Variants in PXK observed in about 807,000 individuals in gnomAD.
PXK encodes the protein PX domain containing serine/threonine kinase like, also known as PX domain-containing protein kinase-like protein.
Under a neutral mutation model 84.7 loss-of-function variants are expected in PXK, and 35 were observed. The observed-to-expected ratio is 0.41, with a 90% CI of 0.32 to 0.55. PXK has a LOEUF of 0.55. PXK is among the 20% of genes least tolerant of loss of function. The probability of loss-of-function intolerance (pLI) is 0.21; values close to 1 mark genes in which losing one functional copy is unlikely to be tolerated. For synonymous variants in PXK, 253 were observed against 260.8 expected (o/e 0.97, Z 0.29); for missense variants, 634 against 699.7 (o/e 0.91, Z 1.06).
intron 17 of PXK, chr3:58,413,869 G>A (rs2060577853): frequency 6.6e-6 from 1 of 152,136 alleles, no homozygotes; most frequent in Non-Finnish European, 1.5e-5. Flanking sequence ...CAGCACCCAG[G>A]AGCTGCCAAG....
chr3:58,410,706 T>C (rs959323417), intron 16 of PXK, among the ~76,000 whole-genome samples: 1 of 152,192 alleles, frequency 6.6e-6, no homozygotes, highest in Non-Finnish European at 1.5e-5. Context: ...GGCCATAATG[T>C]CCCATCTTTG....
chr3:58,408,575 T>C lies in PXK; in HGVS notation c.1231-349T>C, dbSNP rs183752950. Among the ~76,000 whole-genome samples the C allele has an allele frequency of 8.3e-3, 1,258 of 151,326 alleles. 21 individuals carry two copies. Among genetic ancestry groups the C allele is most frequent in the African/African-American group, 0.029 (1,204 of 41,082 alleles). On this transcript the variant is annotated intron_variant, in intron 13 of 17. Coordinates refer to ENST00000356151, the MANE Select transcript of PXK (RefSeq NM_017771.5). ...TCTCGCTCTGTCACCCAGGCTGGAG[T>C]GCAGTGGCGTGATCTCGGCTCTCTG...
At chr3:58,368,196 C>A (rs1471046485) in intron 2 of PXK, among the ~76,000 whole-genome samples, 8 of 152,126 alleles carry the variant, frequency 5.3e-5, no homozygotes, top group Non-Finnish European at 1.5e-5. Context: ...TGGGGCAGGA[C>A]CCCTTTAGAA....
rs1232614914 is a variant in PXK, at chr3:58,364,441, G to A, written c.103-1433G>A. Among the ~76,000 whole-genome samples the A allele has an allele frequency of 6.6e-6, 1 of 152,160 alleles. No homozygotes were observed. The highest frequency in any genetic ancestry group is 2.4e-5 in the African/African-American group (1 of 41,424). On this transcript the variant is annotated intron_variant, in intron 1 of 17. Transcript: ENST00000356151. This position sits in a 1 kb window ranked among gnomAD's most constrained non-coding sequence, Gnocchi z 4.3. ...TATAAATCATTATAGGCTGGGCGCGGTGGCTCACGCCTGTAATCCCAGCAC... is the reference window on the plus strand; with the variant it reads ...TATAAATCATTATAGGCTGGGCGCGATGGCTCACGCCTGTAATCCCAGCAC...
rs1246300248 is a variant in PXK, at chr3:58,398,993, ATC to A, written c.1103-302_1103-301del. Reference sequence around the variant, plus strand: ...AATTTTACTTCTGTGTAGTGTTTACATCTCTTTCAAGAGAACAAACACTTTTA... The same window carrying A: ...AATTTTACTTCTGTGTAGTGTTTACATCTTTCAAGAGAACAAACACTTTTA... On this transcript the variant is annotated intron_variant, in intron 11 of 17. Coordinates refer to ENST00000356151, the MANE Select transcript of PXK (RefSeq NM_017771.5). The surrounding 1 kb of genome is among the most constrained non-coding windows in gnomAD (Gnocchi z 4.5). Among the ~76,000 whole-genome samples the A allele has an allele frequency of 6.6e-6, 1 of 152,240 alleles. No homozygotes were observed. Among genetic ancestry groups the A allele is most frequent in the Non-Finnish European group, 1.5e-5 (1 of 68,036 alleles).
chr3:58,390,088 G>A lies in PXK; in HGVS notation c.389-494G>A, dbSNP rs887322469. Among the ~76,000 whole-genome samples, 1 of 151,868 alleles carries A rather than the reference G, an allele frequency of 6.6e-6. No homozygotes were observed. The highest frequency in any genetic ancestry group is 1.5e-5 in the Non-Finnish European group (1 of 67,998). ...AGCTATTCGGGAGGCTGAGGTGGGAGGATCACTTGAGCCCAGGAGGTTGAG... is the reference window on the plus strand; with the variant it reads ...AGCTATTCGGGAGGCTGAGGTGGGAAGATCACTTGAGCCCAGGAGGTTGAG... On this transcript the variant is annotated intron_variant, in intron 4 of 17. Coordinates refer to ENST00000356151, the MANE Select transcript of PXK (RefSeq NM_017771.5). This position sits in a 1 kb window ranked among gnomAD's most constrained non-coding sequence, Gnocchi z 4.2.
chr3:58,394,962 C>T lies in PXK; in HGVS notation c.616-36C>T, dbSNP rs577503904. ...GTATTTAAAAGGACCTAGATCCTGA[C>T]GCAAATCAATGTGAATTTCTTTTTT... On this transcript the variant is annotated intron_variant, in intron 7 of 17. Transcript: ENST00000356151. The T allele has an allele frequency of 5.2e-5, 79 of 1,508,218 alleles. No individual in the cohort carries two copies. In the Admixed American group the frequency reaches 6.7e-4, roughly 13 times the overall value. 93.4% of individuals were successfully genotyped at this position (1,508,218 alleles called of 1,614,324 possible). A position where few individuals can be genotyped will look rare whatever the true frequency, so the allele number is the denominator to read the frequency against.
intron 17 of PXK, chr3:58,413,488 A>G (rs771383515): frequency 6.5e-6 from 1 of 152,730 alleles, no homozygotes; most frequent in Non-Finnish European, 1.5e-5. Flanking sequence ...TTTTTCTGTT[A>G]TTAGCCTTTG....
At chr3:58,382,439 T>G in intron 3 of PXK, 75 bp from the exon 4 acceptor site, 1 of 1,270,696 alleles carries the variant, frequency 7.9e-7, no homozygotes, top group African/African-American at 1.5e-5. Context: ...TAATGAAATA[T>G]GATAGGTCAA....
At chr3:58,348,365 GA>G (rs1179434553) in intron 1 of PXK, among the ~76,000 whole-genome samples, 1 of 152,176 alleles carries the variant, frequency 6.6e-6, no homozygotes, top group Non-Finnish European at 1.5e-5. Context: ...CACAGAACCA[GA>G]CAATGATTTG....
chr3:58,417,126 A>C (rs2061094619), intron 17 of PXK, among the ~76,000 whole-genome samples: 1 of 152,120 alleles, frequency 6.6e-6, no homozygotes, highest in South Asian at 2.1e-4. Context: ...GGTTGGTATC[A>C]AACTCCTGGG....
rs1469182034 is a variant in PXK, at chr3:58,390,015, A to C, written c.389-567A>C. On this transcript the variant is annotated intron_variant, in intron 4 of 17. Transcript: ENST00000356151. This position sits in a 1 kb window ranked among gnomAD's most constrained non-coding sequence, Gnocchi z 4.2. ...ACTCCGTCTCAAAAAAAAAAAAAAA[A>C]AAAAAAAAACAATTTAGCCAGGCGT... 6.6e-6 allele frequency among the ~76,000 whole-genome samples: 1 copy of C among 151,086 alleles called. No individual in the cohort carries two copies. Among genetic ancestry groups the C allele is most frequent in the South Asian group, 2.1e-4 (1 of 4,780 alleles).
At position 58,425,145 on chromosome 3, in the gene PXK, C is replaced by A; in HGVS notation, c.*185C>A. 1 of 897,844 alleles carries A rather than the reference C, an allele frequency of 1.1e-6. No homozygotes were observed. Among genetic ancestry groups the A allele is most frequent in the Non-Finnish European group, 1.6e-6 (1 of 606,154 alleles). The allele number at this position is 897,844 out of a possible 1,614,324, so 55.6% of individuals were successfully genotyped here. On this transcript the variant is annotated 3_prime_UTR_variant, in exon 18 of 18. Coordinates refer to ENST00000356151, the MANE Select transcript of PXK (RefSeq NM_017771.5). Reference sequence around the variant, plus strand: ...ATTCTTTAAGCAGAATAAAGTTAGGCTGGCATTGCTCCCTTAAGATCTTGC... The same window carrying A: ...ATTCTTTAAGCAGAATAAAGTTAGGATGGCATTGCTCCCTTAAGATCTTGC...
chr3:58,354,084 G>A (rs2098008730), intron 1 of PXK, among the ~76,000 whole-genome samples: 1 of 152,234 alleles, frequency 6.6e-6, no homozygotes, highest in Non-Finnish European at 1.5e-5. Context: ...GGGCACTGGA[G>A]ACAAACAGGC....
intron 4 of PXK, among the ~76,000 whole-genome samples, chr3:58,387,481 A>G (rs938228901): frequency 1.3e-5 from 2 of 152,298 alleles, no homozygotes; most frequent in Non-Finnish European, 1.5e-5. Context: ...TTGACAGGTG[A>G]TGGCTGTGGC....
At chr3:58,354,414 G>T (rs565577773) in intron 1 of PXK, among the ~76,000 whole-genome samples, 1 of 151,394 alleles carries the variant, frequency 6.6e-6, no homozygotes, top group South Asian at 2.1e-4. Context: ...CTCATGCAAG[G>T]TTTTTTATTT....
intron 1 of PXK, among the ~76,000 whole-genome samples, chr3:58,353,146 G>A (rs1470701941): frequency 6.6e-6 from 1 of 151,936 alleles, no homozygotes; most frequent in Non-Finnish European, 1.5e-5. Flanking sequence ...ACAGGCGCCC[G>A]CCACCACGCC....
At chr3:58,368,426 G>A (rs746165641) in intron 2 of PXK, among the ~76,000 whole-genome samples, 6 of 152,236 alleles carry the variant, frequency 3.9e-5, no homozygotes, top group Admixed American at 1.3e-4. Context: ...AGGCTCAAGC[G>A]ATTCTAGTGC....
chr3:58,407,690 T>G lies in PXK; in HGVS notation c.1231-1234T>G, dbSNP rs993636956. Among the ~76,000 whole-genome samples the G allele has an allele frequency of 6.6e-6, 1 of 152,070 alleles. No individual in the cohort carries two copies. The highest frequency in any genetic ancestry group is 1.5e-5 in the Non-Finnish European group (1 of 68,012). On this transcript the variant is annotated intron_variant, in intron 13 of 17. Transcript: ENST00000356151. This position sits in a 1 kb window ranked among gnomAD's most constrained non-coding sequence, Gnocchi z 4.3. ...GATCTTCCTGCCTCAGCCTCCCAAG[T>G]AGATTACAGGCGTGCACCACCACAC...
Sources: gnomAD v4.1 joint callset for allele counts (sites outside exome capture counted in the v4.1 genomes callset) on GRCh38, gnomAD v4.1.1 for gene constraint, Gnocchi (gnomAD v3.1) non-coding constraint, MANE v1.5 for transcripts, NCBI Gene and HGNC (gene_info 2026-07-23, HGNC 2026-07-21) for gene names.